The following OR2T10 variants were observed in gnomAD, a reference collection of about 807,000 sequenced individuals.
The protein encoded by OR2T10 is olfactory receptor 2T10.
For synonymous variants in OR2T10, 125 were observed against 141.8 expected, an observed-to-expected ratio of 0.88 and a Z score of 0.84; for missense variants, 335 against 382.5, an observed-to-expected ratio of 0.88 and a Z score of 1.04.
rs1572088330 is a variant in OR2T10, at chr1:248,592,826, C to G, written c.*4G>C. The G allele has an allele frequency of 1.4e-6, 2 of 1,479,590 alleles. No individual in the cohort carries two copies. The highest frequency in any genetic ancestry group is 1.2e-5 in the South Asian group (1 of 81,812). 91.7% of individuals were successfully genotyped at this position (1,479,590 alleles called of 1,614,324 possible). ...GAGAGGACCAACTTAAGTTCTTTCACACTTTAATATGGAGGTTTCTGCACG... is the reference window on the plus strand; with the variant it reads ...GAGAGGACCAACTTAAGTTCTTTCAGACTTTAATATGGAGGTTTCTGCACG... On this transcript the variant is annotated 3_prime_UTR_variant, in exon 2 of 2. Transcript: ENST00000642090.
chr1:248,596,802 T>C (rs28493221), intron 1 of OR2T10, among the ~76,000 whole-genome samples: 16,808 of 142,178 alleles, frequency 0.12, 5,124 homozygotes, highest in African/African-American at 0.42. Flanking sequence ...CTTGAGTGGG[T>C]ATTTATACTC....
In OR2T10 at chr1:248,593,175, G is replaced by A. The variant is rs776431345; in HGVS notation, c.594C>T (p.Phe198=). ...SCSDTSLYKI[F]MYLCCVIMLL... ...GCATGATGACACAGCACAAGTACAT[G>A]AAAATCTTGTAAAGTGAGGTGTCTG... Residue 198 remains phenylalanine, a synonymous_variant, in exon 2 of 2, where the codon TTC becomes TTT. Coordinates refer to ENST00000642090, the MANE Select transcript of OR2T10 (RefSeq NM_001004693.2). 1.3e-6 allele frequency: 2 copies of A among 1,572,396 alleles called. No homozygotes were observed. Among genetic ancestry groups the A allele is most frequent in the South Asian group, 2.3e-5 (2 of 88,878 alleles).
rs1483771892 is a variant in OR2T10 at position 248,593,872 on chromosome 1, T to TA, written c.-28-77dup. ...AGTATGTTTGCTTCACTTTACCTTT[T>TA]AAAAATCAATGTGAAAATCAGAGTG... On this transcript the variant is annotated intron_variant, in intron 1 of 1. Coordinates refer to ENST00000642090, the MANE Select transcript of OR2T10 (RefSeq NM_001004693.2). The TA allele has an allele frequency of 4.9e-6, 3 of 617,232 alleles. 1 individual carries two copies. The African/African-American group carries it at 6.3e-5, about 13-fold the overall frequency. The allele number at this position is 617,232 out of a possible 1,614,324, so 38.2% of individuals were successfully genotyped here. A position where few individuals can be genotyped will look rare whatever the true frequency, so the allele number is the denominator to read the frequency against.
chr1:248,594,002 G>A lies in OR2T10; in HGVS notation c.-28-206C>T, dbSNP rs1484359595. ...GGAATGAAATATTTATATTCTCAAT[G>A]AAGAGGTCCATACAACTGAAATTAA... is the stretch of plus-strand genomic sequence containing the variant. On this transcript the variant is annotated intron_variant, in intron 1 of 1. Coordinates refer to ENST00000642090, the MANE Select transcript of OR2T10 (RefSeq NM_001004693.2). Among the ~76,000 whole-genome samples, 2 of 142,718 alleles carry A rather than the reference G, an allele frequency of 1.4e-5. 1 individual carries two copies. Among genetic ancestry groups the A allele is most frequent in the Non-Finnish European group, 3.0e-5 (2 of 66,144 alleles). The allele number at this position is 142,718 out of a possible 152,430, so 93.6% of individuals were successfully genotyped here. A position where few individuals can be genotyped will look rare whatever the true frequency, so the allele number is the denominator to read the frequency against.
chr1:248,596,466 T>C lies in OR2T10; in HGVS notation c.-29+1026A>G, dbSNP rs112036695. Among the ~76,000 whole-genome samples, 388 of 141,592 alleles carry C rather than the reference T, an allele frequency of 2.7e-3. 36 individuals are homozygous for C. Among genetic ancestry groups the C allele is most frequent in the African/African-American group, 0.01 (374 of 35,646 alleles). The allele number at this position is 141,592 out of a possible 152,430, so 92.9% of individuals were successfully genotyped here. On this transcript the variant is annotated intron_variant, in intron 1 of 1. Coordinates refer to ENST00000642090, the MANE Select transcript of OR2T10 (RefSeq NM_001004693.2). ...TTATTCAGGAGAACAAAAGTGAGAG[T>C]GGATATTGCATTTCTTGGCCATGTA...
In OR2T10 at chr1:248,593,891, CAG is replaced by C. The variant is rs987905866; in HGVS notation, c.-28-97_-28-96del. 7 of 586,254 alleles carry C rather than the reference CAG, an allele frequency of 1.2e-5. 1 individual carries two copies. The highest frequency in any genetic ancestry group is 1.2e-4 in the East Asian group (4 of 34,752). 36.3% of individuals were successfully genotyped at this position (586,254 alleles called of 1,614,324 possible). On this transcript the variant is annotated intron_variant, in intron 1 of 1. Coordinates refer to ENST00000642090, the MANE Select transcript of OR2T10 (RefSeq NM_001004693.2). The stretch of plus-strand genomic sequence containing the variant: ...ACCTTTTAAAAATCAATGTGAAAAT[CAG>C]AGTGTATTTCCAACATGAACTGTGA...
Position 248,593,498 on chromosome 1 carries a change from T to A in OR2T10, c.271A>T (p.Thr91Ser). Residue 91 changes from threonine (T) to serine (S), a missense_variant, in exon 2 of 2, where the codon ACC (threonine) becomes TCC (serine). Coordinates refer to ENST00000642090, the MANE Select transcript of OR2T10 (RefSeq NM_001004693.2). ...MLVNQLAKDK[T>S]ISVLGCGTQM... is the part of the protein sequence containing the mutation. ...GTGCCACACCCAAGGACCGAGATGG[T>A]CTTGTCTTTGGCCAGCTGGTTCACC... 6.4e-7 allele frequency: 1 copy of A among 1,572,566 alleles called. No individual in the cohort carries two copies. The highest frequency in any genetic ancestry group is 8.6e-7 in the Non-Finnish European group (1 of 1,156,708).
rs1373079521 is a variant in OR2T10, at chr1:248,593,635, A to G, written c.134T>C (p.Leu45Ser). ...GGAGTCAATGTGGATCAGAAGTATC[A>G]ATGTAATATTCCAAGACACAGCCAT... ...FLMAVSWNIT[L>S]ILLIHIDSSL... The change falls in exon 2 of 2, where the codon TTG (leucine) becomes TCG (serine). Residue 45 changes from leucine to serine, a missense_variant. Leu to Ser is a moderately radical substitution (Grantham distance 145). Transcript: ENST00000642090. The G allele has an allele frequency of 5.1e-6, 8 of 1,561,870 alleles. No individual in the cohort carries two copies. Among genetic ancestry groups the G allele is most frequent in the African/African-American group, 1.5e-5 (1 of 64,930 alleles).
Position 248,596,254 on chromosome 1 carries a change from G to A in OR2T10, c.-29+1238C>T, listed in dbSNP as rs111680122. On this transcript the variant is annotated intron_variant, in intron 1 of 1. Transcript: ENST00000642090. ...AGTGAAATAAGTGTATTTAATGTCC[G>A]CTCCCAAAAATGGAGTCCATTTAGG... Among the ~76,000 whole-genome samples the A allele has an allele frequency of 4.9e-5, 7 of 142,804 alleles. 1 individual carries two copies. The highest frequency in any genetic ancestry group is 1.7e-4 in the African/African-American group (6 of 36,228). 93.7% of individuals were successfully genotyped at this position (142,804 alleles called of 152,430 possible).
rs1198546710 is a variant in OR2T10, at chr1:248,591,838, A to T, written c.*992T>A. ...TGGGTTTCAGTTAAATCAACTGTAGAATAAGGCTAATAATAGGCTGTGAAA... is the reference window on the plus strand; with the variant it reads ...TGGGTTTCAGTTAAATCAACTGTAGTATAAGGCTAATAATAGGCTGTGAAA... On this transcript the variant is annotated 3_prime_UTR_variant, in exon 2 of 2. Transcript: ENST00000642090. The T allele has an allele frequency of 2.8e-5, 4 of 144,192 alleles. 2 individuals are homozygous for T. Among genetic ancestry groups the T allele is most frequent in the Non-Finnish European group, 6.0e-5 (4 of 66,434 alleles). 8.9% of individuals were successfully genotyped at this position (144,192 alleles called of 1,614,324 possible).
Position 248,595,769 on chromosome 1 carries a change from T to C in OR2T10, c.-29+1723A>G, listed in dbSNP as rs556994844. On this transcript the variant is annotated intron_variant, in intron 1 of 1. Coordinates refer to ENST00000642090, the MANE Select transcript of OR2T10 (RefSeq NM_001004693.2). Reference sequence around the variant, plus strand: ...AATAATTCCCAATAAACTTCAAAAATTCAGTGGAATTATTTAGTAGATTCC... The same window carrying C: ...AATAATTCCCAATAAACTTCAAAAACTCAGTGGAATTATTTAGTAGATTCC... Among the ~76,000 whole-genome samples, 4 of 126,110 alleles carry C rather than the reference T, an allele frequency of 3.2e-5. 1 individual carries two copies. The highest frequency in any genetic ancestry group is 6.3e-4 in the East Asian group (2 of 3,166). The allele number at this position is 126,110 out of a possible 152,430, so 82.7% of individuals were successfully genotyped here. A position where few individuals can be genotyped will look rare whatever the true frequency, so the allele number is the denominator to read the frequency against.
rs1393861657 is a variant in OR2T10, at chr1:248,595,914, T to G, written c.-29+1578A>C. On this transcript the variant is annotated intron_variant, in intron 1 of 1. Coordinates refer to ENST00000642090, the MANE Select transcript of OR2T10 (RefSeq NM_001004693.2). ...CCCTGTCTCTCAGATATCCAAGAAC[T>G]CAGAAAGCAGAGAATCAGGTAAACC... 2.1e-5 allele frequency among the ~76,000 whole-genome samples: 3 copies of G among 142,678 alleles called. 1 individual carries two copies. The highest frequency in any genetic ancestry group is 4.5e-5 in the Non-Finnish European group (3 of 66,130). 93.6% of individuals were successfully genotyped at this position (142,678 alleles called of 152,430 possible). A position where few individuals can be genotyped will look rare whatever the true frequency, so the allele number is the denominator to read the frequency against.
In OR2T10 at chr1:248,590,760, T is replaced by A. The variant is rs1282652871; in HGVS notation, c.*2070A>T. ...CGTTTACTATAAACATTACAGCATG[T>A]ACTCTTGATTTACTAAAGTTTAACA... On this transcript the variant is annotated 3_prime_UTR_variant, in exon 2 of 2. Transcript: ENST00000642090. 1 of 143,580 alleles carries A rather than the reference T, an allele frequency of 7.0e-6. No individual in the cohort carries two copies. The highest frequency in any genetic ancestry group is 1.5e-5 in the Non-Finnish European group (1 of 66,352). The allele number at this position is 143,580 out of a possible 1,614,324, so 8.9% of individuals were successfully genotyped here.
At chr1:248,595,885 G>A (rs1660082784) in intron 1 of OR2T10, among the ~76,000 whole-genome samples, 1 of 142,854 alleles carries the variant, frequency 7.0e-6, no homozygotes, top group Non-Finnish European at 1.5e-5. Flanking sequence ...AAACAGCATA[G>A]AGGCCCTGTC....
In OR2T10 at chr1:248,597,130, C is replaced by T. The variant is rs1257110262; in HGVS notation, c.-29+362G>A. On this transcript the variant is annotated intron_variant, in intron 1 of 1. Coordinates refer to ENST00000642090, the MANE Select transcript of OR2T10 (RefSeq NM_001004693.2). ...AATCAGTTATTTTTTTAGTTTAGTT[C>T]TCTTCTTTTCCGAGGTACGTTGCAA... 1.4e-5 allele frequency among the ~76,000 whole-genome samples: 2 copies of T among 143,194 alleles called. 1 individual carries two copies. The highest frequency in any genetic ancestry group is 5.5e-5 in the African/African-American group (2 of 36,430). The allele number at this position is 143,194 out of a possible 152,430, so 93.9% of individuals were successfully genotyped here.
chr1:248,592,788 G>C lies in OR2T10; in HGVS notation c.*42C>G, dbSNP rs368739633. Reference sequence around the variant, plus strand: ...GGTGGAAGGACACCTAAAGTGAAGAGAGACTCTAAGAAGAGAGGACCAACT... The same window carrying C: ...GGTGGAAGGACACCTAAAGTGAAGACAGACTCTAAGAAGAGAGGACCAACT... On this transcript the variant is annotated 3_prime_UTR_variant, in exon 2 of 2. Transcript: ENST00000642090. 1.5e-5 allele frequency: 18 copies of C among 1,166,158 alleles called. No individual in the cohort carries two copies. Among genetic ancestry groups the C allele is most frequent in the Non-Finnish European group, 2.1e-5 (17 of 821,076 alleles). The allele number at this position is 1,166,158 out of a possible 1,614,324, so 72.2% of individuals were successfully genotyped here.
rs1265855914 is a variant in OR2T10, at chr1:248,595,396, ATTAAC to A, written c.-28-1605_-28-1601del. Among the ~76,000 whole-genome samples the A allele has an allele frequency of 1.8e-4, 26 of 143,430 alleles. 5 individuals carry two copies. Among genetic ancestry groups the A allele is most frequent in the African/African-American group, 7.1e-4 (26 of 36,610 alleles). 94.1% of individuals were successfully genotyped at this position (143,430 alleles called of 152,430 possible). On this transcript the variant is annotated intron_variant, in intron 1 of 1. Transcript: ENST00000642090. ...TAATGTACACTTTATATTTTTTATC[ATTAAC>A]TTAAAATTTATAAATAAGAATTATT...
chr1:248,594,353 T>C (rs59855174), intron 1 of OR2T10, among the ~76,000 whole-genome samples: 8,958 of 143,402 alleles, frequency 0.062, 2,172 homozygotes, highest in African/African-American at 0.21. Context: ...AACCCTTATA[T>C]AACGTTACAA....
At position 248,592,964 on chromosome 1, in the gene OR2T10, CAGG is replaced by C. The variant is rs765375732; in HGVS notation, c.802_804del (p.Pro268del). ...AAAAAGGATGACATCATATCTTTCTCAGGAGTTTGGTAGGAGCTGGGGAGCATG... is the reference window on the plus strand; with the variant it reads ...AAAAAGGATGACATCATATCTTTCTCAGTTTGGTAGGAGCTGGGGAGCATG... On this transcript the variant is annotated inframe_deletion, in exon 2 of 2. Coordinates refer to ENST00000642090, the MANE Select transcript of OR2T10 (RefSeq NM_001004693.2). 2.5e-6 allele frequency: 4 copies of C among 1,569,968 alleles called. No homozygotes were observed. The South Asian group carries it at 4.5e-5, about 18-fold the overall frequency.
Sources: gnomAD v4.1 joint callset for allele counts (sites outside exome capture counted in the v4.1 genomes callset) on GRCh38, gnomAD v4.1.1 for gene constraint, MANE v1.5 for transcripts, NCBI Gene and HGNC (gene_info 2026-07-23, HGNC 2026-07-21) for gene names.